Variants in SNX24 observed in about 807,000 individuals in gnomAD.
SNX24 encodes sorting nexin-24.
In SNX24, 22 loss-of-function variants were observed where a neutral mutation model predicts 28.7. That is an observed-to-expected ratio of 0.77 (90% CI 0.55 to 1.10). The LOEUF is 1.10. Ranked by LOEUF, SNX24 falls within the 50% of genes least tolerant of loss-of-function variation. The pLI, the probability that SNX24 is intolerant of heterozygous loss-of-function variation, is 0.00. For synonymous variants in SNX24, 69 were observed against 71.5 expected (o/e 0.96, Z 0.18); for missense variants, 221 against 201.1 (o/e 1.10, Z -0.60).
At chr5:122,884,566 T>TA (rs933110751) in intron 1 of SNX24, among the ~76,000 whole-genome samples, 26 of 151,180 alleles carry the variant, frequency 1.7e-4, no homozygotes, top group Admixed American at 7.3e-4. Context: ...CTTTATCACA[T>TA]AAAAAAAAAT....
At chr5:122,848,420 C>T (rs942838325) in intron 1 of SNX24, among the ~76,000 whole-genome samples, 18 of 150,376 alleles carry the variant, frequency 1.2e-4, no homozygotes, top group African/African-American at 4.4e-4. Context: ...AAATTTAAAA[C>T]GGCCGGGGCG....
chr5:122,937,515 A>G lies in SNX24; in HGVS notation c.144+698A>G, dbSNP rs560189247. 1.1e-4 allele frequency among the ~76,000 whole-genome samples: 17 copies of G among 152,342 alleles called. No homozygotes were observed. The South Asian group carries it at 3.3e-3, about 30-fold the overall frequency. On this transcript the variant is annotated intron_variant, in intron 2 of 6. Coordinates refer to ENST00000261369, the MANE Select transcript of SNX24 (RefSeq NM_014035.4). The stretch of plus-strand genomic sequence containing the variant: ...TTTAATTTTTTCTAGATTATAAGTT[A>G]TTATTGGCATGCTGAAATTATTTTA...
intron 1 of SNX24, among the ~76,000 whole-genome samples, chr5:122,925,322 C>G (rs1388624295): frequency 6.7e-6 from 1 of 148,580 alleles, no homozygotes; most frequent in African/African-American, 2.5e-5. Context: ...ACTGCAGTCT[C>G]AACCCCCTGG....
At chr5:122,886,757 G>A (rs1210952448) in intron 1 of SNX24, among the ~76,000 whole-genome samples, 2 of 151,902 alleles carry the variant, frequency 1.3e-5, no homozygotes, top group African/African-American at 4.8e-5. Context: ...TTGAACCCGG[G>A]AGGCGGAGGT....
chr5:122,888,203 G>T (rs1245967397), intron 1 of SNX24, among the ~76,000 whole-genome samples: 3 of 151,998 alleles, frequency 2.0e-5, no homozygotes. Context: ...TTCTTCTATG[G>T]TTTATAATTT....
intron 1 of SNX24, among the ~76,000 whole-genome samples, chr5:122,846,218 A>G (rs1754627593): frequency 1.3e-5 from 2 of 152,006 alleles, no homozygotes; most frequent in Non-Finnish European, 2.9e-5. Flanking sequence ...GTGCAGTTCC[A>G]TGAAATGGCA....
intron 2 of SNX24, among the ~76,000 whole-genome samples, chr5:122,938,751 T>TA (rs1759301450): frequency 1.8e-5 from 1 of 56,966 alleles, no homozygotes; most frequent in South Asian, 7.6e-4. Flanking sequence ...CCATCCTGGC[T>TA]AACACGGTGA....
At chr5:122,956,401 CACACAT>C (rs1414529217) in intron 3 of SNX24, among the ~76,000 whole-genome samples, 22 of 136,610 alleles carry the variant, frequency 1.6e-4, no homozygotes, top group African/African-American at 6.1e-4. Flanking sequence ...CACACACACA[CACACAT>C]ACACAGCCAC....
intron 1 of SNX24, among the ~76,000 whole-genome samples, chr5:122,907,380 G>C (rs941717827): frequency 3.3e-5 from 5 of 152,082 alleles, no homozygotes; most frequent in African/African-American, 1.2e-4. Context: ...TTGTAATATG[G>C]GGGAACACTC....
At chr5:122,883,642 A>G (rs372282152) in intron 1 of SNX24, among the ~76,000 whole-genome samples, 5 of 152,082 alleles carry the variant, frequency 3.3e-5, no homozygotes, top group African/African-American at 1.2e-4. Context: ...TTGTCACATT[A>G]TTTATTCTTT....
intron 1 of SNX24, among the ~76,000 whole-genome samples, chr5:122,932,858 C>CAAAAAAAAAAAAAAAAAAAAAAA (rs57930558): frequency 1.1e-5 from 1 of 88,016 alleles, no homozygotes; most frequent in Non-Finnish European, 2.2e-5. Context: ...GACTCTGTCT[C>CAAAAAAAAAAAAAAAAAAAAAAA]AAAAAAAAAA....
At chr5:123,006,190 G>A (rs902820752) in intron 6 of SNX24, among the ~76,000 whole-genome samples, 5 of 152,140 alleles carry the variant, frequency 3.3e-5, no homozygotes, top group Admixed American at 1.3e-4. Flanking sequence ...TCACTTACTT[G>A]ACTTCCCCTT....
chr5:122,900,853 ATC>A (rs2150079296), intron 1 of SNX24, among the ~76,000 whole-genome samples: 1 of 152,306 alleles, frequency 6.6e-6, no homozygotes, highest in East Asian at 1.9e-4. Flanking sequence ...TTATTCAGTT[ATC>A]ATTATAAGTA....
intron 1 of SNX24, 46 bp downstream of exon 1, chr5:122,845,739 C>A: frequency 1.7e-6 from 2 of 1,205,100 alleles, no homozygotes; most frequent in Non-Finnish European, 2.2e-6. Context: ...GCCAGGCCTG[C>A]GGCTGCTGCG....
chr5:122,976,783 T>C (rs1202958841), intron 3 of SNX24, among the ~76,000 whole-genome samples: 1 of 152,228 alleles, frequency 6.6e-6, no homozygotes, highest in Non-Finnish European at 1.5e-5. Flanking sequence ...CTAGAGTGCG[T>C]AAAACGCAGA....
intron 3 of SNX24, among the ~76,000 whole-genome samples, chr5:122,952,026 T>C (rs1759965959): frequency 6.6e-6 from 1 of 152,246 alleles, no homozygotes; most frequent in Non-Finnish European, 1.5e-5. Flanking sequence ...TAATATAAAC[T>C]GTTTCATGCA....
chr5:123,027,171 G>T (rs1262656899), intron 5 of SNX24, among the ~76,000 whole-genome samples: 1 of 152,026 alleles, frequency 6.6e-6, no homozygotes, highest in Admixed American at 6.5e-5. Flanking sequence ...TCCAGCCTGG[G>T]TGACAGAGTG....
At chr5:122,994,566 T>A (rs889419499) in intron 3 of SNX24, among the ~76,000 whole-genome samples, 1 of 152,216 alleles carries the variant, frequency 6.6e-6, no homozygotes, top group Non-Finnish European at 1.5e-5. Flanking sequence ...TTTATAAAGC[T>A]GATAAGGTAG....
intron 3 of SNX24, chr5:122,965,329 C>G (rs1760673832): frequency 5.0e-6 from 2 of 397,410 alleles, no homozygotes; most frequent in Non-Finnish European, 1.0e-5. Context: ...TCCACTCAGG[C>G]CTAATTGCTG....
Sources: allele counts gnomAD v4.1 joint callset (sites outside exome capture counted in the v4.1 genomes callset), GRCh38; gene constraint gnomAD v4.1.1; transcripts MANE v1.5; gene names NCBI Gene and HGNC (gene_info 2026-07-23, HGNC 2026-07-21).